Variants in GPR75 observed in about 807,000 individuals in gnomAD.
The protein encoded by GPR75 is probable G protein-coupled receptor 75.
Under a neutral mutation model 26.0 loss-of-function variants are expected in GPR75, and 27 were observed. The observed-to-expected ratio is 1.04, with a 90% CI of 0.77 to 1.43. GPR75 has a LOEUF of 1.43. GPR75 is among the 40% of genes most tolerant of loss of function. GPR75 has a pLI of 0.00. For synonymous variants in GPR75, 285 were observed against 256.3 expected (o/e 1.11, Z -1.07); for missense variants, 699 against 662.3 (o/e 1.06, Z -0.61).
In GPR75 at chr2:53,859,952, GGAGCCGC is replaced by G; in HGVS notation, c.-241_-235del. On this transcript the variant is annotated 5_prime_UTR_variant, in exon 1 of 2. Coordinates refer to ENST00000394705, the MANE Select transcript of GPR75 (RefSeq NM_006794.4). ...ATCGCCACCGCCTCCGCGCATCCCGGGAGCCGCGGCAAGACGCGGGCGCAGAGGCGCA... is the reference window on the plus strand; with the variant it reads ...ATCGCCACCGCCTCCGCGCATCCCGGGGCAAGACGCGGGCGCAGAGGCGCA... The G allele has an allele frequency of 6.7e-7, 1 of 1,484,728 alleles. No individual in the cohort carries two copies. Among genetic ancestry groups the G allele is most frequent in the Non-Finnish European group, 8.9e-7 (1 of 1,121,490 alleles). The allele number at this position is 1,484,728 out of a possible 1,614,324, so 92.0% of individuals were successfully genotyped here.
In GPR75 at chr2:53,854,236, G is replaced by A. The variant is rs1324995775; in HGVS notation, c.521C>T (p.Thr174Ile). The change falls in exon 2 of 2, where the codon ACC becomes ATC. Residue 174 changes from threonine (T) to isoleucine (I), a missense_variant. Physicochemically the swap from Thr to Ile is moderately conservative, Grantham distance 89. Coordinates refer to ENST00000394705, the MANE Select transcript of GPR75 (RefSeq NM_006794.4). ...TTTCAAGGTAGCCAAGGTGGCAAGG[G>A]TGAAACTGGTGGCCCAGAGAAGCAG... Reference protein sequence around the residue: ...LTLLLWATSFTLATLATLKTS... With the variant: ...LTLLLWATSFILATLATLKTS... The A allele has an allele frequency of 4.3e-6, 7 of 1,613,950 alleles. No individual in the cohort carries two copies. Among genetic ancestry groups the A allele is most frequent in the Non-Finnish European group, 5.9e-6 (7 of 1,180,034 alleles).
rs778576313 is a variant in GPR75, at chr2:53,853,511, C to T, written c.1246G>A (p.Glu416Lys). The change falls in exon 2 of 2, where the codon GAA (glutamate) becomes AAA (lysine). Residue 416 changes from glutamate to lysine, a missense_variant. Glu to Lys is a moderately conservative substitution (Grantham distance 56). Coordinates refer to ENST00000394705, the MANE Select transcript of GPR75 (RefSeq NM_006794.4). ...TGGGAGGATTTGTTTCTGTTGACTT[C>T]GAGGTTCCCTTTTCCCATGGCTCGA... ...RLRAMGKGNL[E>K]VNRNKSSHHE... 46 of 1,614,106 alleles carry T rather than the reference C, an allele frequency of 2.8e-5. No homozygotes were observed. The highest frequency in any genetic ancestry group is 3.8e-5 in the Non-Finnish European group (45 of 1,180,020).
At position 53,853,706 on chromosome 2, in the gene GPR75, T is replaced by C. The variant is rs778529408; in HGVS notation, c.1051A>G (p.Ser351Gly). 3 of 1,613,346 alleles carry C rather than the reference T, an allele frequency of 1.9e-6. No individual in the cohort carries two copies. The highest frequency in any genetic ancestry group is 1.7e-6 in the Non-Finnish European group (2 of 1,179,320). Residue 351 changes from serine (S) to glycine (G), a missense_variant, in exon 2 of 2, where the codon AGC (serine) becomes GGC (glycine). Coordinates refer to ENST00000394705, the MANE Select transcript of GPR75 (RefSeq NM_006794.4). ...AATTCAAACTGGTAAAGAATGAAGC[T>C]CCCATTGCTGGAGAGAACCACCTGT... Reference protein sequence around the residue: ...LVQVVLSSNGSFILYQFELFG... With the variant: ...LVQVVLSSNGGFILYQFELFG...
chr2:53,853,067 TTAGAA>T lies in GPR75; in HGVS notation c.*62_*66del, dbSNP rs1413095500. 8.4e-6 allele frequency: 10 copies of T among 1,186,218 alleles called. No homozygotes were observed. The African/African-American group carries it at 1.4e-4, about 16-fold the overall frequency. 73.5% of individuals were successfully genotyped at this position (1,186,218 alleles called of 1,614,324 possible). On this transcript the variant is annotated 3_prime_UTR_variant, in exon 2 of 2. Transcript: ENST00000394705. Reference sequence around the variant, plus strand: ...GTTTTGATCCGCCACTGATCTCAAGTTAGAATAAAGTCCATTACTATCAGAAACAA... The same window carrying T: ...GTTTTGATCCGCCACTGATCTCAAGTTAAAGTCCATTACTATCAGAAACAA...
At chr2:53,856,311 C>T (rs1678224476) in intron 1 of GPR75, among the ~76,000 whole-genome samples, 1 of 152,190 alleles carries the variant, frequency 6.6e-6, no homozygotes, top group Non-Finnish European at 1.5e-5. Context: ...ACAGATGCTT[C>T]TGGTGGGACC....
chr2:53,855,805 C>T (rs1182653067), intron 1 of GPR75, among the ~76,000 whole-genome samples: 1 of 152,138 alleles, frequency 6.6e-6, no homozygotes, highest in African/African-American at 2.4e-5. Flanking sequence ...ATGAAGAATC[C>T]TTTATTTCCC....
At chr2:53,859,111 A>G (rs1678306613) in intron 1 of GPR75, among the ~76,000 whole-genome samples, 1 of 150,654 alleles carries the variant, frequency 6.6e-6, no homozygotes, top group Non-Finnish European at 1.5e-5. Flanking sequence ...AACATGCTAT[A>G]GGGGCTTTCA....
intron 1 of GPR75, among the ~76,000 whole-genome samples, chr2:53,857,071 C>A (rs59172147): frequency 0.12 from 17,250 of 144,644 alleles, 1,653 homozygotes; most frequent in African/African-American, 0.27. Flanking sequence ...TCACGCCATT[C>A]TCCTGCCTCA....
At chr2:53,857,112 C>T (rs1343805827) in intron 1 of GPR75, among the ~76,000 whole-genome samples, 22 of 149,966 alleles carry the variant, frequency 1.5e-4, no homozygotes, top group Non-Finnish European at 3.1e-4. Context: ...TACAGGCGCC[C>T]GCCACCGTGC....
intron 1 of GPR75, 134 bp downstream of exon 1, chr2:53,859,694 G>T: frequency 1.6e-6 from 1 of 638,544 alleles, no homozygotes. Flanking sequence ...TACCCTGCAG[G>T]CCGCACCAGG....
intron 1 of GPR75, among the ~76,000 whole-genome samples, chr2:53,855,879 G>GA (rs1391276782): frequency 3.9e-5 from 6 of 151,960 alleles, no homozygotes; most frequent in East Asian, 1.9e-4. Flanking sequence ...TTCTCCTTTG[G>GA]AAAAAAACCT....
In GPR75 at chr2:53,853,080, C is replaced by T. The variant is rs762894713; in HGVS notation, c.*54G>A. ...ACTGATCTCAAGTTAGAATAAAGTC[C>T]ATTACTATCAGAAACAAAAACTGTT... On this transcript the variant is annotated 3_prime_UTR_variant, in exon 2 of 2. Coordinates refer to ENST00000394705, the MANE Select transcript of GPR75 (RefSeq NM_006794.4). The T allele has an allele frequency of 5.6e-5, 72 of 1,293,558 alleles. No individual in the cohort carries two copies. Among genetic ancestry groups the T allele is most frequent in the Non-Finnish European group, 6.3e-5 (58 of 917,946 alleles). The allele number at this position is 1,293,558 out of a possible 1,614,324, so 80.1% of individuals were successfully genotyped here. A position where few individuals can be genotyped will look rare whatever the true frequency, so the allele number is the denominator to read the frequency against.
chr2:53,857,120 T>C (rs191663129), intron 1 of GPR75, among the ~76,000 whole-genome samples: 9,372 of 149,948 alleles, frequency 0.063, 524 homozygotes, highest in East Asian at 0.29. Context: ...CCCGCCACCG[T>C]GCCCGGCTAA....
chr2:53,853,730 G>A lies in GPR75; in HGVS notation c.1027C>T (p.Gln343Ter). Residue 343 changes from glutamine to a stop codon, truncating the protein, a stop_gained, in exon 2 of 2, where the codon CAG becomes TAG. Coordinates refer to ENST00000394705, the MANE Select transcript of GPR75 (RefSeq NM_006794.4). LOFTEE classifies it high-confidence loss of function. ...CTCCCATTGCTGGAGAGAACCACCTGTACCAAGGAAATCCCCAGTGGAAGA... is the reference window on the plus strand; with the variant it reads ...CTCCCATTGCTGGAGAGAACCACCTATACCAAGGAAATCCCCAGTGGAAGA... ...CCLPLGISLVQVVLSSNGSFI... is the reference protein window; with the variant it reads ...CCLPLGISLV 3 of 1,613,898 alleles carry A rather than the reference G, an allele frequency of 1.9e-6. No individual in the cohort carries two copies. The highest frequency in any genetic ancestry group is 2.5e-6 in the Non-Finnish European group (3 of 1,179,788).
rs911921658 is a variant in GPR75, at chr2:53,854,089, A to G, written c.668T>C (p.Ile223Thr). 6 of 1,614,208 alleles carry G rather than the reference A, an allele frequency of 3.7e-6. No individual in the cohort carries two copies. Among genetic ancestry groups the G allele is most frequent in the African/African-American group, 1.3e-5 (1 of 75,050 alleles). The change falls in exon 2 of 2, where the codon ATC becomes ACC. Residue 223 changes from isoleucine to threonine, a missense_variant. Ile to Thr is a moderately conservative substitution (Grantham distance 89). Transcript: ENST00000394705. ...CTTCCGCAGGGTCTGAGCAATCATG[A>G]TGTAAGAGACAGAGACCACAGCAAC... ...FCVAVVSVSYIMIAQTLRKNA... is the reference protein window; with the variant it reads ...FCVAVVSVSYTMIAQTLRKNA...
At position 53,853,081 on chromosome 2, in the gene GPR75, A is replaced by G; in HGVS notation, c.*53T>C. ...CTGATCTCAAGTTAGAATAAAGTCCATTACTATCAGAAACAAAAACTGTTT... is the reference window on the plus strand; with the variant it reads ...CTGATCTCAAGTTAGAATAAAGTCCGTTACTATCAGAAACAAAAACTGTTT... On this transcript the variant is annotated 3_prime_UTR_variant, in exon 2 of 2. Coordinates refer to ENST00000394705, the MANE Select transcript of GPR75 (RefSeq NM_006794.4). 1 of 1,318,056 alleles carries G rather than the reference A, an allele frequency of 7.6e-7. No individual in the cohort carries two copies. Among genetic ancestry groups the G allele is most frequent in the Admixed American group, 2.0e-5 (1 of 50,768 alleles). 81.6% of individuals were successfully genotyped at this position (1,318,056 alleles called of 1,614,324 possible).
intron 1 of GPR75, among the ~76,000 whole-genome samples, chr2:53,857,992 CT>C (rs1281038191): frequency 6.6e-6 from 1 of 152,182 alleles, no homozygotes; most frequent in Non-Finnish European, 1.5e-5. Context: ...GTGCCAGGTA[CT>C]TTTCTCAATG....
intron 1 of GPR75, among the ~76,000 whole-genome samples, chr2:53,858,511 GA>G (rs1678293464): frequency 6.6e-6 from 1 of 150,866 alleles, no homozygotes; most frequent in Non-Finnish European, 1.5e-5. Context: ...GAGATAATTA[GA>G]AAAAAAGGAA....
rs753371995 is a variant in GPR75, at chr2:53,853,177, T to C, written c.1580A>G (p.Tyr527Cys). ...YHTTNDLVQE[Y>C]DSTSAKQIPV... ...AATCTGCTTGGCTGAAGTGCTGTCA[T>C]ATTCCTGCACTAAGTCATTAGTGGT... The change falls in exon 2 of 2, where the codon TAT becomes TGT. Residue 527 changes from tyrosine (Y) to cysteine (C), a missense_variant. Physicochemically the swap from Tyr to Cys is radical, Grantham distance 194. Transcript: ENST00000394705. The C allele has an allele frequency of 1.2e-6, 2 of 1,614,102 alleles. No individual in the cohort carries two copies. The highest frequency in any genetic ancestry group is 1.7e-6 in the Non-Finnish European group (2 of 1,179,914).
Sources: gnomAD v4.1 joint callset for allele counts (sites outside exome capture counted in the v4.1 genomes callset) on GRCh38, gnomAD v4.1.1 for gene constraint, MANE v1.5 for transcripts, NCBI Gene and HGNC (gene_info 2026-07-23, HGNC 2026-07-21) for gene names.